IFFO2: variants seen among roughly 807,000 people sequenced by gnomAD.
IFFO2 encodes the protein intermediate filament family orphan 2.
In IFFO2, 19 loss-of-function variants were observed where a neutral mutation model predicts 53.5. The observed-to-expected ratio is 0.36, with a 90% CI of 0.25 to 0.52. IFFO2 has a LOEUF of 0.52. Ranked by LOEUF, IFFO2 falls within the 20% of genes least tolerant of loss-of-function variation. IFFO2 has a pLI of 0.94. For missense variants in IFFO2, 570 were observed against 727.4 expected (o/e 0.78, Z 2.49); for synonymous variants, 303 against 313.6 (o/e 0.97, Z 0.36).
chr1:18,946,739 T>C (rs1345288884), intron 1 of IFFO2, among the ~76,000 whole-genome samples: 1 of 152,112 alleles, frequency 6.6e-6, no homozygotes, highest in Non-Finnish European at 1.5e-5. Flanking sequence ...TTTCAAGGTG[T>C]CTTGGCCCAG....
rs914522160 is a variant in IFFO2, at chr1:18,917,884, CA to C, written c.963+477del. The stretch of plus-strand genomic sequence containing the variant: ...TCTTTGGGGTGGAATGAAAAATAGT[CA>C]AAGGCCAACAGCTCCTCTTCTGAAC... On this transcript the variant is annotated intron_variant, in intron 4 of 8. Transcript: ENST00000455833. The surrounding 1 kb of genome is among the most constrained non-coding windows in gnomAD (Gnocchi z 5.9). Among the ~76,000 whole-genome samples the C allele has an allele frequency of 1.3e-5, 2 of 152,146 alleles. No homozygotes were observed. The highest frequency in any genetic ancestry group is 2.9e-5 in the Non-Finnish European group (2 of 68,018).
intron 1 of IFFO2, among the ~76,000 whole-genome samples, chr1:18,953,816 C>T (rs553718275): frequency 1.3e-5 from 2 of 152,346 alleles, no homozygotes; most frequent in East Asian, 1.9e-4. Flanking sequence ...TTGAATAGAT[C>T]GTTGCTCAAT....
At chr1:18,915,857 G>C (rs1936125556) in intron 5 of IFFO2, among the ~76,000 whole-genome samples, 1 of 152,226 alleles carries the variant, frequency 6.6e-6, no homozygotes, top group Non-Finnish European at 1.5e-5. Flanking sequence ...AGGAACGGTA[G>C]CTCATGCCAG....
At chr1:18,926,164 C>T (rs536325586) in intron 1 of IFFO2, among the ~76,000 whole-genome samples, 1 of 151,332 alleles carries the variant, frequency 6.6e-6, no homozygotes, top group South Asian at 2.1e-4. Context: ...CAAAGCTGCA[C>T]TTACTCCTCA....
At chr1:18,945,264 T>C (rs1353207147) in intron 1 of IFFO2, among the ~76,000 whole-genome samples, 2 of 151,772 alleles carry the variant, frequency 1.3e-5, no homozygotes, top group African/African-American at 4.8e-5. Context: ...CGAGACTCTC[T>C]GGTCGTGACT....
At chr1:18,953,565 G>GC (rs748990849) in intron 1 of IFFO2, among the ~76,000 whole-genome samples, 6 of 152,132 alleles carry the variant, frequency 3.9e-5, no homozygotes, top group Middle Eastern at 3.4e-3. Context: ...CGCAATTCTA[G>GC]CCCCCCCTCA....
intron 1 of IFFO2, among the ~76,000 whole-genome samples, chr1:18,926,556 G>A (rs1936300230): frequency 6.6e-6 from 1 of 152,202 alleles, no homozygotes; most frequent in African/African-American, 2.4e-5. Context: ...CTGGTGGCCA[G>A]GAGGGAGAGG....
chr1:18,936,840 G>A lies in IFFO2; in HGVS notation c.666-15719C>T, dbSNP rs543136922. ...ACCTGGGTTGAAAGCAAGGCTCTGC[G>A]GCCTTAAGCCAAGTCACTTCTCTAG... On this transcript the variant is annotated intron_variant, in intron 1 of 8. Coordinates refer to ENST00000455833, the MANE Select transcript of IFFO2 (RefSeq NM_001136265.2). The surrounding 1 kb of genome is among the most constrained non-coding windows in gnomAD (Gnocchi z 4.5). 3.2e-4 allele frequency among the ~76,000 whole-genome samples: 48 copies of A among 152,252 alleles called. 1 individual carries two copies. In the South Asian group the frequency reaches 6.4e-3, roughly 20 times the overall value.
chr1:18,945,344 G>C (rs914101941), intron 1 of IFFO2, among the ~76,000 whole-genome samples: 10 of 152,074 alleles, frequency 6.6e-5, no homozygotes, highest in Non-Finnish European at 1.0e-4. Flanking sequence ...TGCCACAGTG[G>C]GCCAGGAGCA....
intron 1 of IFFO2, among the ~76,000 whole-genome samples, chr1:18,923,410 A>G (rs1016126779): frequency 1.3e-5 from 2 of 152,266 alleles, no homozygotes; most frequent in East Asian, 1.9e-4. Flanking sequence ...ACTTGCCCCA[A>G]ATCCACCCAA....
chr1:18,956,191 C>G lies in IFFO2; in HGVS notation c.142G>C (p.Asp48His). ...AGGTGGATGTTGGAGCCCAGGTCGT[C>G]CCGCAGCGCCGCCGTCACCGGCGAC... ...GPSPVTAALR[D>H]DLGSNIHLLK... Residue 48 changes from aspartate to histidine, a missense_variant, in exon 1 of 9, where the codon GAC becomes CAC. Asp to His is a moderately conservative substitution (Grantham distance 81). Coordinates refer to ENST00000455833, the MANE Select transcript of IFFO2 (RefSeq NM_001136265.2). The surrounding 1 kb of genome is among the most constrained non-coding windows in gnomAD (Gnocchi z 6.4). The G allele has an allele frequency of 6.9e-7, 1 of 1,442,862 alleles. No homozygotes were observed. The highest frequency in any genetic ancestry group is 9.2e-7 in the Non-Finnish European group (1 of 1,082,998). 89.4% of individuals were successfully genotyped at this position (1,442,862 alleles called of 1,614,324 possible).
In IFFO2 at chr1:18,910,971, C is replaced by T. The variant is rs559952542; in HGVS notation, c.1317+413G>A. 2.0e-5 allele frequency among the ~76,000 whole-genome samples: 3 copies of T among 152,356 alleles called. No individual in the cohort carries two copies. In the South Asian group the frequency reaches 6.2e-4, roughly 32 times the overall value. ...ATACTTCAATGCTGCTTCCTGGCCG[C>T]AAGGCCTTGGGCAAGTCACTTGGTC... On this transcript the variant is annotated intron_variant, in intron 7 of 8. Transcript: ENST00000455833.
Position 18,951,009 on chromosome 1 carries a change from G to A in IFFO2, c.665+4659C>T, listed in dbSNP as rs539937514. 3.3e-5 allele frequency among the ~76,000 whole-genome samples: 5 copies of A among 152,340 alleles called. No individual in the cohort carries two copies. The South Asian group carries it at 6.2e-4, about 19-fold the overall frequency. ...TGCGGGCATCATGTCGAGGCGGGGAGGCCAGCTCTGCACGGCAGATGGAAG... is the reference window on the plus strand; with the variant it reads ...TGCGGGCATCATGTCGAGGCGGGGAAGCCAGCTCTGCACGGCAGATGGAAG... On this transcript the variant is annotated intron_variant, in intron 1 of 8. Transcript: ENST00000455833.
chr1:18,918,579 C>T lies in IFFO2; in HGVS notation c.823-77G>A. 2 of 1,476,612 alleles carry T rather than the reference C, an allele frequency of 1.4e-6. No individual in the cohort carries two copies. The highest frequency in any genetic ancestry group is 9.2e-7 in the Non-Finnish European group (1 of 1,085,664). 91.5% of individuals were successfully genotyped at this position (1,476,612 alleles called of 1,614,324 possible). A position where few individuals can be genotyped will look rare whatever the true frequency, so the allele number is the denominator to read the frequency against. Reference sequence around the variant, plus strand: ...GGGGCTTGGCAGAGAGGTGGGGAGACCCCTAGGTGTCAGCAGGGGTGGTGC... The same window carrying T: ...GGGGCTTGGCAGAGAGGTGGGGAGATCCCTAGGTGTCAGCAGGGGTGGTGC... On this transcript the variant is annotated intron_variant, in intron 3 of 8. Transcript: ENST00000455833. This position sits in a 1 kb window ranked among gnomAD's most constrained non-coding sequence, Gnocchi z 5.2.
At chr1:18,933,924 C>G (rs1054094755) in intron 1 of IFFO2, among the ~76,000 whole-genome samples, 1 of 151,960 alleles carries the variant, frequency 6.6e-6, no homozygotes, top group Non-Finnish European at 1.5e-5. Context: ...AGTAGTACCC[C>G]GTACCCCTCT....
In IFFO2 at chr1:18,918,228, G is replaced by A; in HGVS notation, c.963+134C>T. 1 of 809,116 alleles carries A rather than the reference G, an allele frequency of 1.2e-6. No individual in the cohort carries two copies. The highest frequency in any genetic ancestry group is 1.7e-5 in the South Asian group (1 of 58,370). The allele number at this position is 809,116 out of a possible 1,614,324, so 50.1% of individuals were successfully genotyped here. A position where few individuals can be genotyped will look rare whatever the true frequency, so the allele number is the denominator to read the frequency against. ...TTTCCTGGGGAGGCCACAGGGTCAG[G>A]TAGTGCTACCTCTCGGGGAAGGGGA... is the stretch of plus-strand genomic sequence containing the variant. On this transcript the variant is annotated intron_variant, in intron 4 of 8. Transcript: ENST00000455833. This position sits in a 1 kb window ranked among gnomAD's most constrained non-coding sequence, Gnocchi z 5.2.
intron 1 of IFFO2, among the ~76,000 whole-genome samples, chr1:18,945,911 A>G (rs142662243): frequency 6.6e-6 from 1 of 152,340 alleles, no homozygotes; most frequent in Non-Finnish European, 1.5e-5. Context: ...TGACTCTCCC[A>G]AGGTCTCAGA....
rs376077044 is a variant in IFFO2 at position 18,916,933 on chromosome 1, G to T, written c.1073C>A (p.Thr358Asn). The T allele has an allele frequency of 1.5e-5, 24 of 1,551,814 alleles. No homozygotes were observed. The highest frequency in any genetic ancestry group is 2.1e-5 in the Non-Finnish European group (24 of 1,147,064). Residue 358 changes from threonine to asparagine, a missense_variant, in exon 5 of 9, where the codon ACC becomes AAC. Transcript: ENST00000455833. The surrounding 1 kb of genome is among the most constrained non-coding windows in gnomAD (Gnocchi z 4.3). ...GTTAAACATGCGCTTCATCTCATCG[G>T]TGATGTTCATGGAGCCGACCTCATC... is the stretch of plus-strand genomic sequence containing the variant. ...SDDEVGSMNI[T>N]DEMKRMFNQL...
intron 8 of IFFO2, 35 bp from the exon 9 acceptor site, chr1:18,908,701 G>A (rs750173778): frequency 6.9e-7 from 1 of 1,457,346 alleles, no homozygotes. Context: ...AATTCAGAGA[G>A]CAGCCCTGGG....
Sources: gnomAD v4.1 joint callset for allele counts (sites outside exome capture counted in the v4.1 genomes callset) on GRCh38, gnomAD v4.1.1 for gene constraint, Gnocchi (gnomAD v3.1) non-coding constraint, MANE v1.5 for transcripts, NCBI Gene and HGNC (gene_info 2026-07-23, HGNC 2026-07-21) for gene names.